Variants in PPP1R12B observed in about 807,000 individuals in gnomAD.
The protein encoded by PPP1R12B is myosin phosphatase target subunit 2.
Under a neutral mutation model 126.1 loss-of-function variants are expected in PPP1R12B, and 76 were observed. The observed-to-expected ratio is 0.60, with a 90% CI of 0.50 to 0.73. The LOEUF (loss-of-function observed/expected upper bound fraction) is 0.73, where lower values mean the gene tolerates loss of function less well. PPP1R12B is among the 30% of genes least tolerant of loss of function. The pLI is 0.00. For missense variants in PPP1R12B, 1,052 were observed against 1,205.1 expected, an observed-to-expected ratio of 0.87 and a Z score of 1.88; for synonymous variants, 356 against 434.7, an observed-to-expected ratio of 0.82 and a Z score of 2.25.
intron 13 of PPP1R12B, among the ~76,000 whole-genome samples, chr1:202,455,201 T>TAG (rs1162494393): frequency 3.3e-5 from 4 of 122,624 alleles, no homozygotes; most frequent in African/African-American, 1.0e-4. Flanking sequence ...TACATATATA[T>TAG]ATATAGAGAG....
At chr1:202,574,897 A>G in intron 23 of PPP1R12B, 1 of 1,216,180 alleles carries the variant, frequency 8.2e-7, no homozygotes, top group Non-Finnish European at 1.1e-6. Context: ...CTAAAAACAA[A>G]AACAAAAAGT....
At chr1:202,367,431 C>A (rs971935959) in intron 1 of PPP1R12B, among the ~76,000 whole-genome samples, 1 of 152,148 alleles carries the variant, frequency 6.6e-6, no homozygotes, top group Non-Finnish European at 1.5e-5. Flanking sequence ...GTGAGTCTTA[C>A]CGTGACCTAC....
At chr1:202,437,394 A>C (rs1211179957) in intron 9 of PPP1R12B, among the ~76,000 whole-genome samples, 1 of 152,222 alleles carries the variant, frequency 6.6e-6, no homozygotes, top group Non-Finnish European at 1.5e-5. Flanking sequence ...ACATATTATA[A>C]GGAGGGATTA....
chr1:202,570,686 T>A (rs1397986902), intron 23 of PPP1R12B, among the ~76,000 whole-genome samples: 1 of 152,208 alleles, frequency 6.6e-6, no homozygotes, highest in East Asian at 1.9e-4. Flanking sequence ...TTATTAGAGA[T>A]AACCAGTTCT....
chr1:202,534,264 C>A (rs1276851638), intron 18 of PPP1R12B, among the ~76,000 whole-genome samples: 1 of 152,164 alleles, frequency 6.6e-6, no homozygotes. Context: ...CACCTTCTAG[C>A]ACAAGAGATC....
rs992881015 is a variant in PPP1R12B, at chr1:202,348,769, C to T, written c.-83C>T. 4 of 1,489,946 alleles carry T rather than the reference C, an allele frequency of 2.7e-6. No homozygotes were observed. The highest frequency in any genetic ancestry group is 1.4e-5 in the South Asian group (1 of 72,466). The allele number at this position is 1,489,946 out of a possible 1,614,324, so 92.3% of individuals were successfully genotyped here. Reference sequence around the variant, plus strand: ...GCCCTCTGCTCCGGGCTGAAGCGCTCTGAGAGAGGCGGCAGCGGCAACTCG... The same window carrying T: ...GCCCTCTGCTCCGGGCTGAAGCGCTTTGAGAGAGGCGGCAGCGGCAACTCG... On this transcript the variant is annotated 5_prime_UTR_variant, in exon 1 of 24. Transcript: ENST00000608999.
intron 13 of PPP1R12B, 70 bp from the exon 14 acceptor site, chr1:202,488,463 A>G: frequency 8.2e-7 from 1 of 1,214,872 alleles, no homozygotes; most frequent in Non-Finnish European, 1.2e-6. Flanking sequence ...AATATGTGGA[A>G]ACACTTTGTC....
At chr1:202,499,876 A>G (rs1407431756) in intron 18 of PPP1R12B, among the ~76,000 whole-genome samples, 2 of 152,256 alleles carry the variant, frequency 1.3e-5, no homozygotes, top group African/African-American at 2.4e-5. Context: ...TTTGCTATCA[A>G]TAGAATATTT....
At chr1:202,568,667 A>C (rs1688297022) in intron 22 of PPP1R12B, among the ~76,000 whole-genome samples, 1 of 152,152 alleles carries the variant, frequency 6.6e-6, no homozygotes, top group South Asian at 2.1e-4. Context: ...GGAAGAAACT[A>C]GGGGGAGAGA....
Position 202,585,732 on chromosome 1 carries a change from T to A in PPP1R12B, c.*5172T>A, listed in dbSNP as rs993189860. ...GAAGTGAATTTAATATTGAGGGTAA[T>A]TGAATGATGTTGCAATGGCTTTCCC... On this transcript the variant is annotated 3_prime_UTR_variant, in exon 24 of 24. Coordinates refer to ENST00000608999, the MANE Select transcript of PPP1R12B (RefSeq NM_002481.4). 1 of 152,220 alleles carries A rather than the reference T, an allele frequency of 6.6e-6. No individual in the cohort carries two copies. Among genetic ancestry groups the A allele is most frequent in the Non-Finnish European group, 1.5e-5 (1 of 68,038 alleles). The allele number at this position is 152,220 out of a possible 1,614,324, so 9.4% of individuals were successfully genotyped here. A position where few individuals can be genotyped will look rare whatever the true frequency, so the allele number is the denominator to read the frequency against.
At position 202,355,257 on chromosome 1, in the gene PPP1R12B, A is replaced by G. The variant is rs181578943; in HGVS notation, c.291+6115A>G. ...GGTTTTCTTAGATTCTTAATTAACA[A>G]CTAATATTGAATGTCTAAATGGTAG... On this transcript the variant is annotated intron_variant, in intron 1 of 23. Transcript: ENST00000608999. Among the ~76,000 whole-genome samples, 36 of 152,282 alleles carry G rather than the reference A, an allele frequency of 2.4e-4. No homozygotes were observed. The East Asian group carries it at 5.6e-3, about 24-fold the overall frequency.
chr1:202,467,125 T>C (rs189799585), intron 13 of PPP1R12B, among the ~76,000 whole-genome samples: 26 of 152,160 alleles, frequency 1.7e-4, no homozygotes, highest in Admixed American at 7.2e-4. Context: ...ATCTTTCTTA[T>C]ATGCAAATCT....
At chr1:202,499,508 G>A (rs1196993669) in intron 18 of PPP1R12B, among the ~76,000 whole-genome samples, 2 of 152,090 alleles carry the variant, frequency 1.3e-5, no homozygotes, top group Non-Finnish European at 2.9e-5. Context: ...TCCTGCCTTG[G>A]CCTCCCAAAA....
chr1:202,379,054 C>T (rs1022293764), intron 1 of PPP1R12B, among the ~76,000 whole-genome samples: 1 of 152,124 alleles, frequency 6.6e-6, no homozygotes, highest in African/African-American at 2.4e-5. Flanking sequence ...CTAATGATGT[C>T]GAGATCTGTC....
chr1:202,574,401 T>A (rs1688902020), intron 23 of PPP1R12B, among the ~76,000 whole-genome samples: 1 of 152,086 alleles, frequency 6.6e-6, no homozygotes, highest in African/African-American at 2.4e-5. Flanking sequence ...TCCCAGCTAC[T>A]TTAGGAGGCT....
At chr1:202,427,385 A>G (rs888502014) in intron 5 of PPP1R12B, among the ~76,000 whole-genome samples, 1 of 152,150 alleles carries the variant, frequency 6.6e-6, no homozygotes, top group Non-Finnish European at 1.5e-5. Flanking sequence ...AACTCCGTGG[A>G]CCTTCTGATT....
At chr1:202,504,448 A>G (rs1301248150) in intron 18 of PPP1R12B, among the ~76,000 whole-genome samples, 2 of 152,150 alleles carry the variant, frequency 1.3e-5, no homozygotes, top group Non-Finnish European at 2.9e-5. Context: ...ACAACACCTA[A>G]AAGTTGTTAC....
chr1:202,564,606 TAGA>T, intron 21 of PPP1R12B, 59 bp downstream of exon 21: 1 of 1,373,896 alleles, frequency 7.3e-7, no homozygotes, highest in Non-Finnish European at 1.0e-6. Flanking sequence ...GGAAGCAAAC[TAGA>T]CTAGGGATCT....
At position 202,588,833 on chromosome 1, in the gene PPP1R12B, A is replaced by AGATAGATAGAT. The variant is rs1553332060; in HGVS notation, c.*8274_*8284dup. ...CGTTCAAAAGAACCGTAAGATAGAT[A>AGATAGATAGAT]GATAGATAGATAGATAGATAGATAG... is the stretch of plus-strand genomic sequence containing the variant. On this transcript the variant is annotated 3_prime_UTR_variant, in exon 24 of 24. Transcript: ENST00000608999. 1 of 129,268 alleles carries AGATAGATAGAT rather than the reference A, an allele frequency of 7.7e-6. No individual in the cohort carries two copies. Among genetic ancestry groups the AGATAGATAGAT allele is most frequent in the Non-Finnish European group, 1.6e-5 (1 of 63,088 alleles). The allele number at this position is 129,268 out of a possible 1,614,324, so 8.0% of individuals were successfully genotyped here.
Sources: gnomAD v4.1 joint callset for allele counts (sites outside exome capture counted in the v4.1 genomes callset) on GRCh38, gnomAD v4.1.1 for gene constraint, MANE v1.5 for transcripts, NCBI Gene and HGNC (gene_info 2026-07-23, HGNC 2026-07-21) for gene names.